PCDHGB6: variants seen among roughly 807,000 people sequenced by gnomAD.
PCDHGB6 encodes the protein protocadherin gamma subfamily B, 6.
Under a neutral mutation model 59.1 loss-of-function variants are expected in PCDHGB6, and 51 were observed. The observed-to-expected ratio is 0.86, with a 90% CI of 0.69 to 1.09. The LOEUF is 1.09. Among genes scored for constraint, PCDHGB6 ranks in the 50% least tolerant of loss-of-function variants. The pLI, the probability that PCDHGB6 is intolerant of heterozygous loss-of-function variation, is 0.00. For synonymous variants in PCDHGB6, 466 were observed against 495.1 expected (o/e 0.94, Z 0.78); for missense variants, 1,148 against 1,205.1 (o/e 0.95, Z 0.70).
chr5:141,430,619 A>G lies in PCDHGB6; in HGVS notation c.2418+19999A>G, dbSNP rs192473783. ...CGCCTGAAGCACAAAGCAGATAGCT[A>G]GGAATGAACCATCCCTGGGAGTATG... On this transcript the variant is annotated intron_variant, in intron 1 of 3. Coordinates refer to ENST00000520790, the MANE Select transcript of PCDHGB6 (RefSeq NM_018926.3). 9.4e-5 allele frequency: 68 copies of G among 720,190 alleles called. 1 individual carries two copies. The African/African-American group carries it at 1.1e-3, about 12-fold the overall frequency. 44.6% of individuals were successfully genotyped at this position (720,190 alleles called of 1,614,324 possible). A position where few individuals can be genotyped will look rare whatever the true frequency, so the allele number is the denominator to read the frequency against.
Position 141,476,641 on chromosome 5 carries a change from C to A in PCDHGB6, c.2419-18166C>A, listed in dbSNP as rs1183948220. The A allele has an allele frequency of 1.2e-6, 2 of 1,614,256 alleles. No homozygotes were observed. The highest frequency in any genetic ancestry group is 1.7e-5 in the Admixed American group (1 of 60,030). On this transcript the variant is annotated intron_variant, in intron 1 of 3. Transcript: ENST00000520790. This position sits in a 1 kb window ranked among gnomAD's most constrained non-coding sequence, Gnocchi z 7.6. ...ACTCTTTACAAACCTATGAGCTGAG[C>A]CGAAATGAATACTTTGCGCTTCGCG... is the stretch of plus-strand genomic sequence containing the variant.
At chr5:141,421,633 G>A (rs1369645749) in intron 1 of PCDHGB6, 3 of 1,613,834 alleles carry the variant, frequency 1.9e-6, no homozygotes, top group Non-Finnish European at 2.5e-6. Context: ...CAGCTTCCAG[G>A]AGGACGAAGT....
chr5:141,421,904 C>T (rs1561797509), intron 1 of PCDHGB6: 1 of 1,613,734 alleles, frequency 6.2e-7, no homozygotes, highest in Admixed American at 1.7e-5. Flanking sequence ...CGAAAGGGCG[C>T]AGTTCCCATT....
chr5:141,421,715 T>G (rs756472123), intron 1 of PCDHGB6: 1 of 1,613,960 alleles, frequency 6.2e-7, no homozygotes, highest in Admixed American at 1.7e-5. Context: ...GATCCAGATG[T>G]GGGCGTGAAC....
chr5:141,417,940 C>T (rs757819377), intron 1 of PCDHGB6: 2 of 1,613,054 alleles, frequency 1.2e-6, no homozygotes, highest in South Asian at 1.1e-5. Context: ...TGTTCTACCC[C>T]ACGCTGTGTG....
rs776211508 is a variant in PCDHGB6, at chr5:141,491,001, C to T, written c.2419-3806C>T. On this transcript the variant is annotated intron_variant, in intron 1 of 3. Transcript: ENST00000520790. The surrounding 1 kb of genome is among the most constrained non-coding windows in gnomAD (Gnocchi z 6.9). The stretch of plus-strand genomic sequence containing the variant: ...TCCCTCGCTCTGCTCCTCCTGGCTC[C>T]TTGGTCACCAAGGTGACAGCCGTGG... The T allele has an allele frequency of 6.2e-7, 1 of 1,614,140 alleles. No individual in the cohort carries two copies. Among genetic ancestry groups the T allele is most frequent in the Non-Finnish European group, 8.5e-7 (1 of 1,180,044 alleles).
In PCDHGB6 at chr5:141,487,934, C is replaced by T; in HGVS notation, c.2419-6873C>T. 4.9e-6 allele frequency: 3 copies of T among 607,674 alleles called. No homozygotes were observed. The highest frequency in any genetic ancestry group is 2.1e-5 in the South Asian group (1 of 48,014). 37.6% of individuals were successfully genotyped at this position (607,674 alleles called of 1,614,324 possible). Reference sequence around the variant, plus strand: ...ACAGGAGGCTACAGTGCACAGGGTACAGTGCACCAGGCAGTCACTTGGACA... The same window carrying T: ...ACAGGAGGCTACAGTGCACAGGGTATAGTGCACCAGGCAGTCACTTGGACA... On this transcript the variant is annotated intron_variant, in intron 1 of 3. Transcript: ENST00000520790. This position sits in a 1 kb window ranked among gnomAD's most constrained non-coding sequence, Gnocchi z 5.0.
chr5:141,418,738 T>G lies in PCDHGB6; in HGVS notation c.2418+8118T>G, dbSNP rs781221446. 4.3e-6 allele frequency: 7 copies of G among 1,613,964 alleles called. No homozygotes were observed. In the South Asian group the frequency reaches 6.6e-5, roughly 15 times the overall value. On this transcript the variant is annotated intron_variant, in intron 1 of 3. Transcript: ENST00000520790. ...CTGACAAAGCTCAGCACGTGTTCTC[T>G]CTGGATTACACTACAGGAAACATTC...
chr5:141,430,234 A>G (rs2097268213), intron 1 of PCDHGB6, among the ~76,000 whole-genome samples: 1 of 130,034 alleles, frequency 7.7e-6, no homozygotes, highest in South Asian at 2.4e-4. Flanking sequence ...TGTCAAAAAG[A>G]GAAACTCCTA....
chr5:141,425,559 G>A (rs1180113940), intron 1 of PCDHGB6, among the ~76,000 whole-genome samples: 2 of 152,176 alleles, frequency 1.3e-5, no homozygotes, highest in East Asian at 3.9e-4. Context: ...TCTTTTATAA[G>A]TGATAAGAAG....
intron 1 of PCDHGB6, among the ~76,000 whole-genome samples, chr5:141,481,728 C>T (rs529419213): frequency 2.1e-4 from 32 of 152,032 alleles, no homozygotes; most frequent in African/African-American, 7.2e-4. Flanking sequence ...CGGAGGCGGG[C>T]GGATCACGAG....
intron 1 of PCDHGB6, among the ~76,000 whole-genome samples, chr5:141,462,745 TATG>T (rs1249238113): frequency 6.6e-6 from 1 of 152,262 alleles, no homozygotes; most frequent in Non-Finnish European, 1.5e-5. Flanking sequence ...CTGTAATTCC[TATG>T]ATGATTTTCT....
At chr5:141,481,462 C>T (rs1395867714) in intron 1 of PCDHGB6, among the ~76,000 whole-genome samples, 1 of 152,162 alleles carries the variant, frequency 6.6e-6, no homozygotes. Flanking sequence ...ACACTGAAAA[C>T]CATTGGATTA....
rs1276365021 is a variant in PCDHGB6, at chr5:141,409,122, T to G, written c.920T>G (p.Phe307Cys). 1 of 1,614,026 alleles carries G rather than the reference T, an allele frequency of 6.2e-7. No homozygotes were observed. Among genetic ancestry groups the G allele is most frequent in the South Asian group, 1.1e-5 (1 of 91,082 alleles). Residue 307 changes from phenylalanine (F) to cysteine (C), a missense_variant, in exon 1 of 4, where the codon TTT becomes TGT. Physicochemically the swap from Phe to Cys is radical, Grantham distance 205 (BLOSUM62 -2). Around this residue, in one of 5 missense-constraint regions of PCDHGB6, gnomAD observed 549 missense variants for 527.5 expected, o/e 1.04. Transcript: ENST00000520790. ...GGTATGATTAAGAATAACCAGTCAT[T>G]TGATTTTGAAGATGTAGAAAGGTAC... The part of the protein sequence containing the change: ...KTGMIKNNQS[F>C]DFEDVERYTM...
chr5:141,423,956 A>T, intron 1 of PCDHGB6: 4 of 1,182,724 alleles, frequency 3.4e-6, no homozygotes, highest in Non-Finnish European at 4.2e-6. Context: ...TTTTAGTATT[A>T]TTTTTCTATT....
chr5:141,427,751 C>G (rs778043340), intron 1 of PCDHGB6: 6 of 1,306,076 alleles, frequency 4.6e-6, no homozygotes, highest in Non-Finnish European at 6.6e-6. Context: ...CCTACTCCAT[C>G]GTTACCACTG....
intron 2 of PCDHGB6, among the ~76,000 whole-genome samples, chr5:141,500,939 G>T (rs2099804123): frequency 6.6e-6 from 1 of 151,680 alleles, no homozygotes; most frequent in South Asian, 2.1e-4. Context: ...CGCCATCTCG[G>T]CTCACTGCAA....
Position 141,489,623 on chromosome 5 carries a change from A to T in PCDHGB6, c.2419-5184A>T, listed in dbSNP as rs924162827. On this transcript the variant is annotated intron_variant, in intron 1 of 3. Coordinates refer to ENST00000520790, the MANE Select transcript of PCDHGB6 (RefSeq NM_018926.3). This position sits in a 1 kb window ranked among gnomAD's most constrained non-coding sequence, Gnocchi z 4.5. ...GAGGTAGAGATCCTGGATCTCAATG[A>T]CAACTCTCCTAGCTTTGCCACCCCT... is the stretch of plus-strand genomic sequence containing the variant. The T allele has an allele frequency of 6.2e-7, 1 of 1,614,102 alleles. No homozygotes were observed. Among genetic ancestry groups the T allele is most frequent in the Non-Finnish European group, 8.5e-7 (1 of 1,179,996 alleles).
At chr5:141,415,551 C>T (rs745641887) in intron 1 of PCDHGB6, 1 of 1,614,132 alleles carries the variant, frequency 6.2e-7, no homozygotes, top group South Asian at 1.1e-5. Context: ...GTGAGAAAAA[C>T]GATCCTTTGT....
Sources: gnomAD v4.1 joint callset for allele counts (sites outside exome capture counted in the v4.1 genomes callset) on GRCh38, gnomAD v4.1.1 for gene constraint, gnomAD v4.1.1 regional missense constraint, Gnocchi (gnomAD v3.1) non-coding constraint, MANE v1.5 for transcripts, NCBI Gene and HGNC (gene_info 2026-07-23, HGNC 2026-07-21) for gene names.